DOCK8: variants seen among roughly 807,000 people sequenced by gnomAD.
The protein encoded by DOCK8 is dedicator of cytokinesis 8.
In DOCK8, 141 loss-of-function variants were observed where a neutral mutation model predicts 245.6. The observed-to-expected ratio is 0.57, with a 90% CI of 0.50 to 0.66. The LOEUF is 0.66. Among genes scored for constraint, DOCK8 ranks in the 30% least tolerant of loss-of-function variants. The probability of loss-of-function intolerance (pLI) is 0.00; values close to 1 mark genes in which losing one functional copy is unlikely to be tolerated. For missense variants in DOCK8, 2,965 were observed against 2,603.4 expected, an observed-to-expected ratio of 1.14 and a Z score of -3.02; for synonymous variants, 1,168 against 970.2, an observed-to-expected ratio of 1.20 and a Z score of -3.79.
chr9:323,974 A>G (rs540293140), intron 7 of DOCK8, among the ~76,000 whole-genome samples: 52 of 152,336 alleles, frequency 3.4e-4, no homozygotes, highest in African/African-American at 1.2e-3. Context: ...GCTACTTGGC[A>G]TTGTTTTTAA....
At chr9:273,452 A>T (rs1368387178) in intron 2 of DOCK8, among the ~76,000 whole-genome samples, 4 of 152,216 alleles carry the variant, frequency 2.6e-5, no homozygotes, top group African/African-American at 9.6e-5. Context: ...AAATTTTTTT[A>T]AATTGACTGA....
upstream of DOCK8, chr9:214,444 CT>C (rs2046683498): frequency 6.4e-7 from 1 of 1,553,142 alleles, no homozygotes. Context: ...ATTCCACTAA[CT>C]TTTTTGTCTT....
intron 1 of DOCK8, among the ~76,000 whole-genome samples, chr9:224,401 A>G (rs1363603294): frequency 1.4e-4 from 22 of 152,200 alleles, no homozygotes; most frequent in Admixed American, 1.4e-3. Context: ...TGGAGACTCA[A>G]TTAAGGAGAG....
chr9:292,160 T>G (rs1450389586), intron 4 of DOCK8, among the ~76,000 whole-genome samples: 1 of 149,448 alleles, frequency 6.7e-6, no homozygotes, highest in Admixed American at 6.7e-5. Flanking sequence ...CACCTGAGGT[T>G]GGGAGTTTGA....
At chr9:445,480 G>C (rs2057225564) in intron 43 of DOCK8, among the ~76,000 whole-genome samples, 1 of 152,216 alleles carries the variant, frequency 6.6e-6, no homozygotes, top group African/African-American at 2.4e-5. Flanking sequence ...TGGAGGTGAT[G>C]TGAGTGTGTG....
At chr9:216,286 T>A (rs2046749152) in intron 1 of DOCK8, among the ~76,000 whole-genome samples, 1 of 152,022 alleles carries the variant, frequency 6.6e-6, no homozygotes, top group South Asian at 2.1e-4. Context: ...TCCCAGCAAT[T>A]TGGGAGGCCC....
chr9:311,957 G>C lies in DOCK8; in HGVS notation c.532G>C (p.Gly178Arg). 6.2e-7 allele frequency: 1 copy of C among 1,613,686 alleles called. No individual in the cohort carries two copies. The highest frequency in any genetic ancestry group is 8.5e-7 in the Non-Finnish European group (1 of 1,180,028). ...GACCCACTGTTTTCTCTCACAGGCAGGCCCCCGCCACTTAAACGTGCTGTG... is the reference window on the plus strand; with the variant it reads ...GACCCACTGTTTTCTCTCACAGGCACGCCCCCGCCACTTAAACGTGCTGTG... ...LECSEPAAQA[G>R]PRHLNVLCDV... is the part of the protein sequence containing the mutation. Residue 178 changes from glycine to arginine, a missense_variant, in exon 6 of 48, where the codon GGC (glycine) becomes CGC (arginine). Physicochemically the swap from Gly to Arg is moderately radical, Grantham distance 125 (BLOSUM62 -2). Around this residue, in one of 3 missense-constraint regions of DOCK8, gnomAD observed 2,825 missense variants for 2,453.5 expected, o/e 1.15. Coordinates refer to ENST00000432829, the MANE Select transcript of DOCK8 (RefSeq NM_203447.4).
chr9:367,587 G>T (rs981234695), intron 14 of DOCK8, among the ~76,000 whole-genome samples: 3 of 152,170 alleles, frequency 2.0e-5, no homozygotes, highest in African/African-American at 7.2e-5. Flanking sequence ...CGAGTGCCAT[G>T]CCAGTAAGAA....
intron 26 of DOCK8, among the ~76,000 whole-genome samples, chr9:400,736 ACCACCAGCATCT>A (rs1366002870): frequency 2.7e-5 from 3 of 110,030 alleles, no homozygotes; most frequent in Admixed American, 8.7e-5. Context: ...CACCTCCACC[ACCACCAGCATCT>A]TCACCATCAC....
At chr9:455,388 A>G (rs1307448152) in intron 46 of DOCK8, among the ~76,000 whole-genome samples, 3 of 152,192 alleles carry the variant, frequency 2.0e-5, no homozygotes, top group Non-Finnish European at 4.4e-5. Flanking sequence ...GTGTGCCTGT[A>G]GTCCCAGCTA....
At chr9:221,601 C>T (rs943656914) in intron 1 of DOCK8, among the ~76,000 whole-genome samples, 1 of 150,194 alleles carries the variant, frequency 6.7e-6, no homozygotes, top group African/African-American at 2.5e-5. Flanking sequence ...CACTTGAAGT[C>T]AGAAGTTTGA....
At position 289,592 on chromosome 9, in the gene DOCK8, T is replaced by G. The variant is rs770457793; in HGVS notation, c.404+11T>G. 11 of 1,594,824 alleles carry G rather than the reference T, an allele frequency of 6.9e-6. No individual in the cohort carries two copies. The highest frequency in any genetic ancestry group is 9.4e-6 in the Non-Finnish European group (11 of 1,169,400). Reference sequence around the variant, plus strand: ...AATCGTGAACCGGAAGTAAGTTACTTTTTTTCCACTTTTTGTATATAAATA... The same window carrying G: ...AATCGTGAACCGGAAGTAAGTTACTGTTTTTCCACTTTTTGTATATAAATA... On this transcript the variant is annotated intron_variant, in intron 4 of 47. Transcript: ENST00000432829.
chr9:432,054 G>T, intron 36 of DOCK8, 112 bp from the exon 37 acceptor site: 1 of 1,074,704 alleles, frequency 9.3e-7, no homozygotes, highest in Non-Finnish European at 1.4e-6. Context: ...TAATTAAGAC[G>T]GGGCAAAGGA....
chr9:433,786 CA>C (rs1564063977), intron 37 of DOCK8, 88 bp from the exon 38 acceptor site: 1 of 1,108,554 alleles, frequency 9.0e-7, no homozygotes, highest in Non-Finnish European at 1.4e-6. Context: ...CAACCCTTCC[CA>C]TGGCTTCCCC....
chr9:250,452 C>T (rs1186080344), intron 1 of DOCK8, among the ~76,000 whole-genome samples: 2 of 152,180 alleles, frequency 1.3e-5, no homozygotes, highest in Non-Finnish European at 1.5e-5. Context: ...ATCTACTCTA[C>T]ATAAAATATT....
chr9:439,119 C>A, intron 39 of DOCK8, 126 bp from the exon 40 acceptor site: 1 of 1,209,792 alleles, frequency 8.3e-7, no homozygotes, highest in Non-Finnish European at 1.2e-6. Context: ...AATTACAGAC[C>A]TAGTTTAGTC....
chr9:446,680 T>C (rs2057273643), intron 44 of DOCK8, 74 bp downstream of exon 44: 2 of 1,309,712 alleles, frequency 1.5e-6, no homozygotes, highest in Non-Finnish European at 2.2e-6. Context: ...CACAAACCTC[T>C]TTCACAGTGG....
rs747212410 is a variant in DOCK8, at chr9:312,056, G to A, written c.631G>A (p.Glu211Lys). The A allele has an allele frequency of 7.4e-6, 12 of 1,614,090 alleles. No individual in the cohort carries two copies. Among genetic ancestry groups the A allele is most frequent in the Admixed American group, 1.7e-5 (1 of 60,008 alleles). Residue 211 changes from glutamate to lysine, a missense_variant, in exon 6 of 48, where the codon GAA becomes AAA. This residue lies in a region of DOCK8 where 2,825 missense variants were observed against 2,453.5 expected (regional missense o/e 1.15). Transcript: ENST00000432829. ...CAGCCTGCAGCCTGACAAGCGGCTA[G>A]AAAACCTCCTGCAGCAAGTGAGTGC... ...LRSLQPDKRLENLLQQVSAED... is the reference protein window; with the variant it reads ...LRSLQPDKRLKNLLQQVSAED...
In DOCK8 at chr9:451,973, ATATATTTTTTTTTTTTTTT is replaced by A. The variant is rs1232374764; in HGVS notation, c.5962-36_5962-18del. 1.4e-4 allele frequency: 51 copies of A among 369,974 alleles called. No individual in the cohort carries two copies. In the African/African-American group the frequency reaches 1.6e-3, roughly 11 times the overall value. 22.9% of individuals were successfully genotyped at this position (369,974 alleles called of 1,614,324 possible). On this transcript the variant is annotated intron_variant, in intron 45 of 47. Transcript: ENST00000432829. ...TGTGTGTGTATATATATATATATAT[ATATATTTTTTTTTTTTTTT>A]TTTTTTTTTTCCCACCAGGGACCAC...
Sources: gnomAD v4.1 joint callset for allele counts (sites outside exome capture counted in the v4.1 genomes callset) on GRCh38, gnomAD v4.1.1 for gene constraint, gnomAD v4.1.1 regional missense constraint, MANE v1.5 for transcripts, NCBI Gene and HGNC (gene_info 2026-07-23, HGNC 2026-07-21) for gene names.